The following ADGRG7 variants were observed in gnomAD, a reference collection of about 807,000 sequenced individuals.
The protein encoded by ADGRG7 is G-protein coupled receptor 128.
Under a neutral mutation model 88.6 loss-of-function variants are expected in ADGRG7, and 82 were observed. That is an observed-to-expected ratio of 0.93 (90% CI 0.77 to 1.11). The LOEUF (loss-of-function observed/expected upper bound fraction) is 1.11, where lower values mean the gene tolerates loss of function less well. Ranked by LOEUF, ADGRG7 falls within the 50% of genes most tolerant of loss-of-function variation. The pLI is 0.00. For synonymous variants in ADGRG7, 381 were observed against 345.2 expected (o/e 1.10, Z -1.15); for missense variants, 945 against 953.4 (o/e 0.99, Z 0.12).
intron 15 of ADGRG7, among the ~76,000 whole-genome samples, chr3:100,691,341 G>A (rs887797856): frequency 1.3e-4 from 20 of 152,136 alleles, no homozygotes; most frequent in South Asian, 1.0e-3. Context: ...CCCTGCTTCA[G>A]CTCACACATG....
At chr3:100,612,204 T>G (rs1707164425) in intron 1 of ADGRG7, among the ~76,000 whole-genome samples, 1 of 152,130 alleles carries the variant, frequency 6.6e-6, no homozygotes, top group East Asian at 1.9e-4. Flanking sequence ...AGTAATGGCC[T>G]CATTGTGAAA....
chr3:100,652,264 A>T (rs572664431), intron 11 of ADGRG7, among the ~76,000 whole-genome samples: 15 of 152,304 alleles, frequency 9.8e-5, no homozygotes, highest in African/African-American at 3.6e-4. Flanking sequence ...TGTTTGAATG[A>T]AAGCTTTTTT....
chr3:100,678,384 C>A (rs2149038804), intron 15 of ADGRG7, among the ~76,000 whole-genome samples: 1 of 152,184 alleles, frequency 6.6e-6, no homozygotes, highest in South Asian at 2.1e-4. Context: ...ATTTTGAATT[C>A]TCTGTCTGAA....
At chr3:100,691,608 C>T (rs10936313) in intron 15 of ADGRG7, among the ~76,000 whole-genome samples, 41,861 of 151,010 alleles carry the variant, frequency 0.28, 6,184 homozygotes, top group East Asian at 0.53. Context: ...TTCCCATGTA[C>T]ACTTTACTCA....
At chr3:100,636,383 T>C (rs1158625301) in intron 5 of ADGRG7, among the ~76,000 whole-genome samples, 1 of 152,270 alleles carries the variant, frequency 6.6e-6, no homozygotes, top group Non-Finnish European at 1.5e-5. Context: ...TAAACTGCAA[T>C]GCATTTCTAT....
chr3:100,623,679 G>T (rs1358304292), intron 1 of ADGRG7, among the ~76,000 whole-genome samples: 1 of 151,990 alleles, frequency 6.6e-6, no homozygotes, highest in Non-Finnish European at 1.5e-5. Context: ...TTAGCTATTT[G>T]TCTTAATGCT....
In ADGRG7 at chr3:100,635,913, T is replaced by C. The variant is rs529836893; in HGVS notation, c.597+87T>C. The C allele has an allele frequency of 7.3e-6, 7 of 956,642 alleles. No individual in the cohort carries two copies. In the East Asian group the frequency reaches 1.8e-4, roughly 25 times the overall value. The allele number at this position is 956,642 out of a possible 1,614,324, so 59.3% of individuals were successfully genotyped here. Reference sequence around the variant, plus strand: ...GAAAGAGAGATGTCCTGAATACCACTCCTTATTCCACAATATGGTTTGAGC... The same window carrying C: ...GAAAGAGAGATGTCCTGAATACCACCCCTTATTCCACAATATGGTTTGAGC... On this transcript the variant is annotated intron_variant, in intron 5 of 15. Transcript: ENST00000273352.
intron 1 of ADGRG7, among the ~76,000 whole-genome samples, chr3:100,616,627 G>A (rs1298894117): frequency 4.6e-5 from 7 of 152,074 alleles, no homozygotes; most frequent in South Asian, 2.1e-4. Context: ...CCTTGGCAAC[G>A]TAGCAAGACC....
intron 1 of ADGRG7, among the ~76,000 whole-genome samples, chr3:100,612,496 A>G (rs1258105410): frequency 6.6e-6 from 1 of 152,216 alleles, no homozygotes; most frequent in African/African-American, 2.4e-5. Context: ...TGATGATGAA[A>G]GTAAAATGAA....
At chr3:100,646,144 C>T (rs1229340998) in intron 9 of ADGRG7, 36 bp downstream of exon 9, 7 of 1,567,038 alleles carry the variant, frequency 4.5e-6, no homozygotes, top group South Asian at 1.1e-5. Context: ...AAAAAAGTGT[C>T]CTCATGCTTT....
At chr3:100,652,991 T>C (rs2094931953) in intron 11 of ADGRG7, among the ~76,000 whole-genome samples, 1 of 152,242 alleles carries the variant, frequency 6.6e-6, no homozygotes, top group Non-Finnish European at 1.5e-5. Flanking sequence ...TCCTTCGGAA[T>C]GATTTACATT....
Position 100,688,214 on chromosome 3 carries a change from A to G in ADGRG7, c.2137-6530A>G, listed in dbSNP as rs568799938. Among the ~76,000 whole-genome samples, 82 of 152,284 alleles carry G rather than the reference A, an allele frequency of 5.4e-4. 1 individual carries two copies. In the South Asian group the frequency reaches 6.4e-3, roughly 12 times the overall value. On this transcript the variant is annotated intron_variant, in intron 15 of 15. Transcript: ENST00000273352. ...TGCTAGTTTGTATTTCTGTGGGATC[A>G]GTGGTGATGTCCCCTTTTCATTTTT...
At chr3:100,642,730 A>AAT (rs1356254594) in intron 6 of ADGRG7, among the ~76,000 whole-genome samples, 4 of 152,238 alleles carry the variant, frequency 2.6e-5, no homozygotes, top group Non-Finnish European at 4.4e-5. Flanking sequence ...AGAACATTGT[A>AAT]AAAACCTTCA....
At chr3:100,639,387 G>A (rs1707601270) in intron 6 of ADGRG7, among the ~76,000 whole-genome samples, 1 of 152,146 alleles carries the variant, frequency 6.6e-6, no homozygotes, top group African/African-American at 2.4e-5. Flanking sequence ...ACTTAGCGTT[G>A]AATTTTCAAA....
At chr3:100,640,169 T>C (rs932176028) in intron 6 of ADGRG7, among the ~76,000 whole-genome samples, 2 of 152,198 alleles carry the variant, frequency 1.3e-5, no homozygotes, top group African/African-American at 4.8e-5. Flanking sequence ...ACAGAGGTCA[T>C]CTCTCCACGA....
chr3:100,635,867 T>C, intron 5 of ADGRG7, 41 bp downstream of exon 5: 7 of 1,444,582 alleles, frequency 4.8e-6, no homozygotes, highest in Non-Finnish European at 6.7e-6. Context: ...TTTTTTTATT[T>C]TTAGAGGGGG....
chr3:100,640,054 C>T (rs1444907043), intron 6 of ADGRG7, among the ~76,000 whole-genome samples: 1 of 152,074 alleles, frequency 6.6e-6, no homozygotes, highest in Non-Finnish European at 1.5e-5. Flanking sequence ...GACTCAGATC[C>T]TTCCTTCATT....
intron 1 of ADGRG7, among the ~76,000 whole-genome samples, chr3:100,621,592 A>T (rs1040157123): frequency 1.3e-5 from 2 of 152,204 alleles, no homozygotes; most frequent in African/African-American, 4.8e-5. Flanking sequence ...TACAAAGGAA[A>T]AGTTGGAATC....
chr3:100,636,359 G>A lies in ADGRG7; in HGVS notation c.597+533G>A, dbSNP rs575814688. On this transcript the variant is annotated intron_variant, in intron 5 of 15. Transcript: ENST00000273352. ...AAATAGTGTTTCAAGAATTTAATTT[G>A]GAACATGTGATTTTAAACTGCAATG... Among the ~76,000 whole-genome samples, 7 of 152,268 alleles carry A rather than the reference G, an allele frequency of 4.6e-5. No homozygotes were observed. In the East Asian group the frequency reaches 7.7e-4, roughly 17 times the overall value.
Sources: allele counts gnomAD v4.1 joint callset (sites outside exome capture counted in the v4.1 genomes callset), GRCh38; gene constraint gnomAD v4.1.1; transcripts MANE v1.5; gene names NCBI Gene and HGNC (gene_info 2026-07-23, HGNC 2026-07-21).